The following SAMHD1 variants were observed in gnomAD, a reference collection of about 807,000 sequenced individuals.
SAMHD1 encodes deoxynucleoside triphosphate triphosphohydrolase SAMHD1.
SAMHD1 carries 54 observed loss-of-function variants against 79.6 expected under a neutral mutation model. That is an observed-to-expected ratio of 0.68 (90% CI 0.55 to 0.85). SAMHD1 has a LOEUF of 0.85. Ranked by LOEUF, SAMHD1 falls within the 40% of genes least tolerant of loss-of-function variation. The pLI is 0.00. For synonymous variants in SAMHD1, 260 were observed against 264.1 expected (o/e 0.98, Z 0.15); for missense variants, 663 against 782.7 (o/e 0.85, Z 1.82).
At chr20:36,902,096 C>CGT (rs1008921557) in intron 13 of SAMHD1, among the ~76,000 whole-genome samples, 2 of 152,136 alleles carry the variant, frequency 1.3e-5, no homozygotes, top group Non-Finnish European at 2.9e-5. Context: ...TTGGGTTACT[C>CGT]ATGAGGATGA....
At position 36,911,218 on chromosome 20, in the gene SAMHD1, C is replaced by T; in HGVS notation, c.1270G>A (p.Asp424Asn). The change falls in exon 11 of 16, where the codon GAT (aspartate) becomes AAT (asparagine). Residue 424 changes from aspartate to asparagine, a missense_variant and splice_region_variant. Transcript: ENST00000646673. ...ATCTATGTTACCTGTTACTTCTTAC[C>T]TGTCAGCTTAGTATAGGCTTCCATG... ...DDMEAYTKLT[D>N]NIFLEILYST... The T allele has an allele frequency of 1.2e-6, 2 of 1,600,202 alleles. No individual in the cohort carries two copies. Among genetic ancestry groups the T allele is most frequent in the Non-Finnish European group, 1.7e-6 (2 of 1,167,930 alleles).
In SAMHD1 at chr20:36,946,770, A is replaced by C. The variant is rs1316259613; in HGVS notation, c.243T>G (p.Leu81=). ...NEITGALLPC[L]DESRFENLGV... ...CAAGATTTTCAAAACGAGACTCATC[A>C]AGACAAGGCAGTAATGCGCCTGTGA... is the stretch of plus-strand genomic sequence containing the variant. The change falls in exon 2 of 16, where the codon CTT becomes CTG. Residue 81 remains leucine, a synonymous_variant. Transcript: ENST00000646673. The C allele has an allele frequency of 6.2e-7, 1 of 1,613,374 alleles. No homozygotes were observed. The highest frequency in any genetic ancestry group is 8.5e-7 in the Non-Finnish European group (1 of 1,179,500).
intron 15 of SAMHD1, among the ~76,000 whole-genome samples, chr20:36,895,619 C>T (rs1990182532): frequency 6.6e-6 from 1 of 152,084 alleles, no homozygotes; most frequent in Admixed American, 6.6e-5. Flanking sequence ...AAAATACTCA[C>T]TCCGTGAGTG....
At chr20:36,925,874 G>A (rs1321632528) in intron 6 of SAMHD1, among the ~76,000 whole-genome samples, 1 of 152,136 alleles carries the variant, frequency 6.6e-6, no homozygotes, top group African/African-American at 2.4e-5. Flanking sequence ...TGATGGGAGT[G>A]TAAAATGGTA....
chr20:36,949,755 C>CAAAAAAAAAAA (rs34682795), intron 1 of SAMHD1, among the ~76,000 whole-genome samples: 1 of 69,800 alleles, frequency 1.4e-5, no homozygotes. Context: ...GACTCTGTCT[C>CAAAAAAAAAAA]AAAAAAAAAA....
Position 36,892,514 on chromosome 20 carries a change from G to T in SAMHD1, c.*418C>A, listed in dbSNP as rs1990100149. The T allele has an allele frequency of 4.5e-6, 1 of 220,412 alleles. No homozygotes were observed. The highest frequency in any genetic ancestry group is 9.2e-6 in the Non-Finnish European group (1 of 109,218). 13.7% of individuals were successfully genotyped at this position (220,412 alleles called of 1,614,324 possible). On this transcript the variant is annotated 3_prime_UTR_variant, in exon 16 of 16. Coordinates refer to ENST00000646673, the MANE Select transcript of SAMHD1 (RefSeq NM_015474.4). ...TGTCATAAAAGTTCAGAGTAAGCTG[G>T]GTGTGGTGGCACATGACTTTAGTCC... is the stretch of plus-strand genomic sequence containing the variant.
chr20:36,914,168 T>C (rs2063461562), intron 9 of SAMHD1, among the ~76,000 whole-genome samples: 1 of 151,958 alleles, frequency 6.6e-6, no homozygotes, highest in Admixed American at 6.6e-5. Context: ...ACAACACATG[T>C]TTGAACTGTG....
At chr20:36,942,349 C>T (rs1413604208) in intron 2 of SAMHD1, among the ~76,000 whole-genome samples, 1 of 152,010 alleles carries the variant, frequency 6.6e-6, no homozygotes, top group Non-Finnish European at 1.5e-5. Context: ...ACCCGGGAGG[C>T]GGAGATTGCG....
intron 4 of SAMHD1, among the ~76,000 whole-genome samples, chr20:36,931,206 ACT>A (rs1197387016): frequency 6.6e-6 from 1 of 152,240 alleles, no homozygotes; most frequent in African/African-American, 2.4e-5. Context: ...AAGCCTGTGC[ACT>A]GTTAGTGGGG....
Position 36,942,747 on chromosome 20 carries a change from C to T in SAMHD1, c.276-1636G>A, listed in dbSNP as rs888166568. ...CTGCAAGCTCCACCTCCCGGGTTCACGCCATTCTCCCGCCTCAGCCTCCCG... is the reference window on the plus strand; with the variant it reads ...CTGCAAGCTCCACCTCCCGGGTTCATGCCATTCTCCCGCCTCAGCCTCCCG... On this transcript the variant is annotated intron_variant, in intron 2 of 15. Transcript: ENST00000646673. Among the ~76,000 whole-genome samples, 6 of 151,870 alleles carry T rather than the reference C, an allele frequency of 4.0e-5. No individual in the cohort carries two copies. The East Asian group carries it at 7.8e-4, about 20-fold the overall frequency.
chr20:36,927,478 C>A (rs1328326825), intron 5 of SAMHD1, among the ~76,000 whole-genome samples: 1 of 151,918 alleles, frequency 6.6e-6, no homozygotes, highest in Non-Finnish European at 1.5e-5. Flanking sequence ...CAACCACATC[C>A]AGCTAATTTT....
chr20:36,949,946 G>A (rs1283780248), intron 1 of SAMHD1, among the ~76,000 whole-genome samples: 1 of 151,994 alleles, frequency 6.6e-6, no homozygotes, highest in Non-Finnish European at 1.5e-5. Flanking sequence ...ACTGACCAGA[G>A]GGAGGCATAT....
chr20:36,925,676 G>A (rs1358031868), intron 6 of SAMHD1, among the ~76,000 whole-genome samples: 1 of 152,146 alleles, frequency 6.6e-6, no homozygotes, highest in South Asian at 2.1e-4. Flanking sequence ...CTTTTTAAAC[G>A]AGTAAAATGT....
At chr20:36,900,193 G>A (rs961602375) in intron 13 of SAMHD1, among the ~76,000 whole-genome samples, 14 of 152,158 alleles carry the variant, frequency 9.2e-5, no homozygotes, top group African/African-American at 3.1e-4. Context: ...TAGATAGGAG[G>A]AGTAAGTTCT....
At chr20:36,943,299 A>G (rs968548012) in intron 2 of SAMHD1, among the ~76,000 whole-genome samples, 6 of 152,212 alleles carry the variant, frequency 3.9e-5, no homozygotes, top group Non-Finnish European at 5.9e-5. Flanking sequence ...GAAATGTTCT[A>G]TATCTGCTCT....
At chr20:36,951,339 T>C in intron 1 of SAMHD1, 97 bp downstream of exon 1, 2 of 1,555,224 alleles carry the variant, frequency 1.3e-6, no homozygotes, top group African/African-American at 1.4e-5. Flanking sequence ...GGCTCGCTCC[T>C]CGGCCTCGGT....
intron 7 of SAMHD1, among the ~76,000 whole-genome samples, chr20:36,918,801 CAAAAAAAAAAAAAA>C (rs60403097): frequency 2.4e-4 from 16 of 65,426 alleles, no homozygotes; most frequent in African/African-American, 9.5e-4. Context: ...GACTCTATCT[CAAAAAAAAAAAAAA>C]AAAAAAAAAG....
chr20:36,927,314 C>CAT, intron 5 of SAMHD1, 62 bp from the exon 6 acceptor site: 9 of 765,684 alleles, frequency 1.2e-5, no homozygotes, highest in Non-Finnish European at 1.8e-5. Flanking sequence ...AAACTTTTTC[C>CAT]TTTTTTTTTT....
chr20:36,890,626 G>A lies in SAMHD1; in HGVS notation c.*2306C>T, dbSNP rs949619502. Reference sequence around the variant, plus strand: ...ATTACAAGCACACACCACCACGCCCGGCTAATTTCACCCGGCTAATTTTTG... The same window carrying A: ...ATTACAAGCACACACCACCACGCCCAGCTAATTTCACCCGGCTAATTTTTG... On this transcript the variant is annotated 3_prime_UTR_variant, in exon 16 of 16. Transcript: ENST00000646673. 11 of 151,798 alleles carry A rather than the reference G, an allele frequency of 7.2e-5. No individual in the cohort carries two copies. The highest frequency in any genetic ancestry group is 1.9e-4 in the African/African-American group (8 of 41,316). The allele number at this position is 151,798 out of a possible 1,614,324, so 9.4% of individuals were successfully genotyped here. A position where few individuals can be genotyped will look rare whatever the true frequency, so the allele number is the denominator to read the frequency against.
Sources: gnomAD v4.1 joint callset for allele counts (sites outside exome capture counted in the v4.1 genomes callset) on GRCh38, gnomAD v4.1.1 for gene constraint, MANE v1.5 for transcripts, NCBI Gene and HGNC (gene_info 2026-07-23, HGNC 2026-07-21) for gene names.